B4GALT1: variants seen among roughly 807,000 people sequenced by gnomAD.
B4GALT1 encodes the protein beta-1,4-galactosyltransferase 1.
In B4GALT1, 16 loss-of-function variants were observed where a neutral mutation model predicts 34.9. The observed-to-expected ratio is 0.46, with a 90% CI of 0.31 to 0.70. The LOEUF is 0.70. B4GALT1 is among the 30% of genes least tolerant of loss of function. The pLI, the probability that B4GALT1 is intolerant of heterozygous loss-of-function variation, is 0.05. For synonymous variants in B4GALT1, 221 were observed against 218.1 expected (o/e 1.01, Z -0.12); for missense variants, 445 against 530.5 (o/e 0.84, Z 1.58).
At chr9:33,175,486 C>T in the B4GALT1 span, among the ~76,000 whole-genome samples, 8 of 151,900 alleles carry the variant, frequency 5.3e-5, no homozygotes, top group Non-Finnish European at 8.8e-5. Flanking sequence ...GGCATCATAT[C>T]GGAAATTTAC....
At chr9:33,182,679 C>T in the B4GALT1 span, among the ~76,000 whole-genome samples, 1 of 152,164 alleles carries the variant, frequency 6.6e-6, no homozygotes, top group East Asian at 1.9e-4. Flanking sequence ...CTTCTCCCCG[C>T]TATATTCATC....
In B4GALT1 at chr9:33,117,878, C is replaced by CT. The variant is rs527808878; in HGVS notation, c.837-1766dup. Among the ~76,000 whole-genome samples the CT allele has an allele frequency of 7.1e-3, 1,080 of 152,272 alleles. 6 individuals are homozygous for CT. The highest frequency in any genetic ancestry group is 0.012 in the Non-Finnish European group (829 of 68,020). ...CAATAAGGTTTTCTGATAATCAGTG[C>CT]TTTTACAGAAATGGATTCTTAGCTA... On this transcript the variant is annotated intron_variant, in intron 3 of 5. Transcript: ENST00000379731.
intron 2 of B4GALT1, among the ~76,000 whole-genome samples, chr9:33,126,994 C>T (rs967451383): frequency 6.6e-6 from 1 of 152,132 alleles, no homozygotes; most frequent in Non-Finnish European, 1.5e-5. Flanking sequence ...TGGAGTCTCA[C>T]TCTGTCGCCC....
intron 1 of B4GALT1, among the ~76,000 whole-genome samples, chr9:33,141,943 C>CT (rs1554687359): frequency 4.6e-5 from 7 of 152,164 alleles, no homozygotes; most frequent in Non-Finnish European, 2.9e-5. Context: ...GTTTCAAAAT[C>CT]TAACTCATGA....
At chr9:33,154,796 T>A (rs1840573025) in intron 1 of B4GALT1, among the ~76,000 whole-genome samples, 2 of 152,324 alleles carry the variant, frequency 1.3e-5, no homozygotes, top group African/African-American at 4.8e-5. Flanking sequence ...TGGCTTTGAA[T>A]GCAGCTCAAC....
At chr9:33,146,838 T>C (rs990372941) in intron 1 of B4GALT1, among the ~76,000 whole-genome samples, 5 of 152,002 alleles carry the variant, frequency 3.3e-5, no homozygotes, top group African/African-American at 1.2e-4. Context: ...GGAATATAGG[T>C]GCATGTCACC....
chr9:33,166,631 A>C, intron 1 of B4GALT1, 127 bp downstream of exon 1: 3 of 1,164,592 alleles, frequency 2.6e-6, no homozygotes, highest in Non-Finnish European at 3.5e-6. Flanking sequence ...TGGGATTTAA[A>C]ACTCTGATCC....
At chr9:33,149,916 T>A (rs979708525) in intron 1 of B4GALT1, among the ~76,000 whole-genome samples, 4 of 152,152 alleles carry the variant, frequency 2.6e-5, no homozygotes, top group African/African-American at 7.2e-5. Flanking sequence ...CTAAGAGACA[T>A]GACAACTGAA....
intron 2 of B4GALT1, 117 bp downstream of exon 2, chr9:33,135,072 C>T: frequency 1.8e-6 from 2 of 1,094,288 alleles, no homozygotes; most frequent in Middle Eastern, 3.9e-4. Flanking sequence ...TGGTTCCTCG[C>T]TGTAAGTGCC....
chr9:33,156,316 T>C (rs558615576), intron 1 of B4GALT1, among the ~76,000 whole-genome samples: 37 of 152,200 alleles, frequency 2.4e-4, no homozygotes, highest in African/African-American at 8.9e-4. Context: ...GTATTTTTAG[T>C]AGAGACAAGG....
downstream of B4GALT1, among the ~76,000 whole-genome samples, chr9:33,110,272 C>A (rs79270230): frequency 0.039 from 5,849 of 150,892 alleles, 150 homozygotes; most frequent in Non-Finnish European, 0.062. Context: ...ACACTGTGAG[C>A]ACCTGGTGCA....
At chr9:33,144,423 C>T (rs1433266559) in intron 1 of B4GALT1, among the ~76,000 whole-genome samples, 1 of 151,374 alleles carries the variant, frequency 6.6e-6, no homozygotes, top group Non-Finnish European at 1.5e-5. Context: ...TTTAGTAGAG[C>T]CGGGGTTTCA....
chr9:33,153,607 T>C (rs1205719638), intron 1 of B4GALT1, among the ~76,000 whole-genome samples: 1 of 152,142 alleles, frequency 6.6e-6, no homozygotes, highest in Non-Finnish European at 1.5e-5. Flanking sequence ...ACAAATTAGA[T>C]GACTTAGATG....
At chr9:33,180,798 A>G in the B4GALT1 span, among the ~76,000 whole-genome samples, 3 of 152,200 alleles carry the variant, frequency 2.0e-5, no homozygotes, top group East Asian at 5.8e-4. Context: ...GAGCTAGGGC[A>G]TTGAGCCCTC....
chr9:33,138,185 T>C (rs1227547655), intron 1 of B4GALT1, among the ~76,000 whole-genome samples: 1 of 152,154 alleles, frequency 6.6e-6, no homozygotes, highest in African/African-American at 2.4e-5. Flanking sequence ...TGCCCCATCA[T>C]GGGTTTCAGA....
chr9:33,149,079 G>A (rs1331562331), intron 1 of B4GALT1, among the ~76,000 whole-genome samples: 1 of 151,792 alleles, frequency 6.6e-6, no homozygotes, highest in Non-Finnish European at 1.5e-5. Context: ...AACAAACATA[G>A]AAGGAATAAT....
At chr9:33,154,110 C>T (rs10971431) in intron 1 of B4GALT1, among the ~76,000 whole-genome samples, 5,839 of 151,942 alleles carry the variant, frequency 0.038, 157 homozygotes, top group Non-Finnish European at 0.062. Context: ...CAACAAAATA[C>T]TAGCAAACTC....
intron 3 of B4GALT1, among the ~76,000 whole-genome samples, chr9:33,118,527 A>T (rs1839973744): frequency 6.6e-6 from 1 of 151,614 alleles, no homozygotes; most frequent in Non-Finnish European, 1.5e-5. Flanking sequence ...TAAATCAGCC[A>T]GGGGTGCTGG....
intron 2 of B4GALT1, among the ~76,000 whole-genome samples, chr9:33,125,823 G>A (rs968846294): frequency 6.6e-6 from 1 of 152,204 alleles, no homozygotes; most frequent in Non-Finnish European, 1.5e-5. Context: ...GCTTCTGGAA[G>A]AACTGTTCTG....
Sources: gnomAD v4.1 joint callset for allele counts (sites outside exome capture counted in the v4.1 genomes callset) on GRCh38, gnomAD v4.1.1 for gene constraint, MANE v1.5 for transcripts, NCBI Gene and HGNC (gene_info 2026-07-23, HGNC 2026-07-21) for gene names.